Variants in TSNARE1 observed in about 807,000 individuals in gnomAD.
TSNARE1 encodes the protein t-SNARE domain-containing protein 1.
TSNARE1 carries 49 observed loss-of-function variants against 62.0 expected under a neutral mutation model. The ratio of observed to expected loss-of-function variants is 0.79; its 90% CI spans 0.63 to 1.00. The LOEUF (loss-of-function observed/expected upper bound fraction) is 1.00. Ranked by LOEUF, TSNARE1 falls within the 50% of genes least tolerant of loss-of-function variation. The pLI is 0.00. For synonymous variants in TSNARE1, 328 were observed against 294.4 expected (o/e 1.11, Z -1.17); for missense variants, 755 against 700.1 (o/e 1.08, Z -0.88).
intron 4 of TSNARE1, among the ~76,000 whole-genome samples, chr8:142,333,254 C>T (rs183712606): frequency 4.6e-5 from 7 of 152,272 alleles, no homozygotes; most frequent in African/African-American, 9.6e-5. Flanking sequence ...AGTAAAGCAG[C>T]GTTCAGAAGG....
intron 1 of TSNARE1, among the ~76,000 whole-genome samples, chr8:142,364,876 A>C (rs1835420334): frequency 6.6e-6 from 1 of 152,248 alleles, no homozygotes; most frequent in Non-Finnish European, 1.5e-5. Flanking sequence ...TTTTCTTTAG[A>C]GTAGAAAGCC....
chr8:142,309,063 T>C (rs1281147190), intron 9 of TSNARE1, among the ~76,000 whole-genome samples: 1 of 152,194 alleles, frequency 6.6e-6, no homozygotes, highest in Admixed American at 6.5e-5. Flanking sequence ...GTAATAAATT[T>C]ATTATATCAG....
chr8:142,238,514 T>C (rs1010972015), intron 12 of TSNARE1, among the ~76,000 whole-genome samples: 5 of 148,000 alleles, frequency 3.4e-5, no homozygotes, highest in Admixed American at 1.3e-4. Context: ...TCTGAGGAGA[T>C]GGAGCCCCAC....
intron 12 of TSNARE1, among the ~76,000 whole-genome samples, chr8:142,253,797 C>T (rs1012961394): frequency 2.0e-5 from 3 of 152,236 alleles, no homozygotes; most frequent in Admixed American, 6.5e-5. Flanking sequence ...CCAGCCTTTT[C>T]CCAGGGGCCC....
intron 4 of TSNARE1, among the ~76,000 whole-genome samples, chr8:142,335,633 G>C (rs1831652723): frequency 2.6e-5 from 4 of 152,148 alleles, no homozygotes; most frequent in Admixed American, 1.3e-4. Flanking sequence ...AAAATAAAAA[G>C]GGGGAAAAAA....
At chr8:142,288,019 C>A (rs4976993) in intron 10 of TSNARE1, among the ~76,000 whole-genome samples, 85,057 of 152,010 alleles carry the variant, frequency 0.56, 25,305 homozygotes, top group African/African-American at 0.77. Flanking sequence ...TGTGTGCACC[C>A]ATCAATCTGC....
intron 12 of TSNARE1, among the ~76,000 whole-genome samples, chr8:142,251,068 T>C (rs1026644471): frequency 6.6e-5 from 10 of 151,994 alleles, no homozygotes; most frequent in African/African-American, 2.4e-4. Context: ...AGGCAGAGGG[T>C]TTGCTGGGGA....
At chr8:142,382,351 A>G (rs1205313864) in intron 1 of TSNARE1, among the ~76,000 whole-genome samples, 2 of 152,184 alleles carry the variant, frequency 1.3e-5, no homozygotes, top group Non-Finnish European at 2.9e-5. Flanking sequence ...GGCGGTCAGA[A>G]CACCAGCAAC....
intron 13 of TSNARE1, among the ~76,000 whole-genome samples, chr8:142,216,232 G>A (rs1815830586): frequency 6.6e-6 from 1 of 152,180 alleles, no homozygotes; most frequent in Non-Finnish European, 1.5e-5. Flanking sequence ...CCTCCTCTGA[G>A]GGCTGAGCCT....
intron 1 of TSNARE1, among the ~76,000 whole-genome samples, chr8:142,370,030 G>A (rs1043158003): frequency 6.6e-6 from 1 of 152,160 alleles, no homozygotes; most frequent in African/African-American, 2.4e-5. Flanking sequence ...GAGCGCTCAT[G>A]AATTGGATCA....
chr8:142,358,039 G>A (rs1477227674), intron 1 of TSNARE1, among the ~76,000 whole-genome samples: 7 of 125,928 alleles, frequency 5.6e-5, no homozygotes, highest in Admixed American at 1.5e-4. Flanking sequence ...TTCAGGACAA[G>A]GGGAGCAGCC....
chr8:142,343,213 C>A (rs751210798), intron 4 of TSNARE1, among the ~76,000 whole-genome samples: 9 of 152,348 alleles, frequency 5.9e-5, no homozygotes, highest in African/African-American at 1.9e-4. Context: ...CCTGCCCACC[C>A]TGACACCACA....
At chr8:142,288,770 T>TA (rs1313640275) in intron 10 of TSNARE1, among the ~76,000 whole-genome samples, 1 of 152,226 alleles carries the variant, frequency 6.6e-6, no homozygotes, top group Non-Finnish European at 1.5e-5. Flanking sequence ...GGAGCAGTGA[T>TA]AACTGCCCAT....
At chr8:142,371,280 C>T (rs182578861) in intron 1 of TSNARE1, among the ~76,000 whole-genome samples, 18 of 152,064 alleles carry the variant, frequency 1.2e-4, no homozygotes, top group Non-Finnish European at 1.5e-4. Context: ...TAAAGAATAC[C>T]AAATACATAA....
At chr8:142,402,217 G>A (rs1378066126) in intron 1 of TSNARE1, among the ~76,000 whole-genome samples, 1 of 152,090 alleles carries the variant, frequency 6.6e-6, no homozygotes, top group Non-Finnish European at 1.5e-5. Context: ...GAGAAGCACC[G>A]GCGGAGCAGC....
chr8:142,274,373 C>T, intron 12 of TSNARE1: 1 of 985,424 alleles, frequency 1.0e-6, no homozygotes, highest in Non-Finnish European at 1.2e-6. Flanking sequence ...TTTCTTGTTC[C>T]CTCTGAGCCA....
chr8:142,332,337 C>T (rs1831175347), intron 4 of TSNARE1, among the ~76,000 whole-genome samples: 2 of 152,262 alleles, frequency 1.3e-5, no homozygotes, highest in Non-Finnish European at 2.9e-5. Context: ...ACACGCCGCA[C>T]GGTTCCACAC....
intron 12 of TSNARE1, among the ~76,000 whole-genome samples, chr8:142,264,144 GC>G (rs1819024837): frequency 6.6e-6 from 1 of 152,138 alleles, no homozygotes; most frequent in Non-Finnish European, 1.5e-5. Flanking sequence ...TTTGTACCTA[GC>G]TATTAACTTC....
chr8:142,397,955 G>A (rs1838012410), intron 1 of TSNARE1, among the ~76,000 whole-genome samples: 1 of 151,994 alleles, frequency 6.6e-6, no homozygotes, highest in South Asian at 2.1e-4. Flanking sequence ...ACCTCAGCCT[G>A]GGCCCCGGGT....
Sources: allele counts gnomAD v4.1 joint callset (sites outside exome capture counted in the v4.1 genomes callset), GRCh38; gene constraint gnomAD v4.1.1; transcripts MANE v1.5; gene names NCBI Gene and HGNC (gene_info 2026-07-23, HGNC 2026-07-21).